The following MRPL23 variants were observed in gnomAD, a reference collection of about 807,000 sequenced individuals.
MRPL23 encodes the protein large ribosomal subunit protein uL23m.
For missense variants in MRPL23, 25 were observed against 81.3 expected (o/e 0.31, Z 2.66); for synonymous variants, 12 against 34.8 (o/e 0.35, Z 2.30).
At chr11:1,979,072 C>T (rs191303492) in intron 5 of MRPL23, among the ~76,000 whole-genome samples, 1 of 145,630 alleles carries the variant, frequency 6.9e-6, no homozygotes, top group Non-Finnish European at 1.5e-5. Context: ...CCTGCACAGG[C>T]GAGGAGATGA....
At chr11:1,988,966 C>T (rs1259775308), downstream of MRPL23, among the ~76,000 whole-genome samples, 6 of 142,620 alleles carry the variant, frequency 4.2e-5, no homozygotes, top group South Asian at 1.1e-3. Context: ...CGCTCCCAGG[C>T]GCTTCCTTCC....
In MRPL23 at chr11:1,956,304, G is replaced by A. The variant is rs377489957; in HGVS notation, c.346G>A (p.Glu116Lys). Reference sequence around the variant, plus strand: ...CCCAGATCTGTTTCCCGAGAAAGACGAGAGCCCTGAAGGCAGCGCTGCCGA... The same window carrying A: ...CCCAGATCTGTTTCCCGAGAAAGACAAGAGCCCTGAAGGCAGCGCTGCCGA... ...TFPDLFPEKD[E>K]SPEGSAADDL... The change falls in exon 5 of 5, where the codon GAG becomes AAG. Residue 116 changes from glutamate (E) to lysine (K), a missense_variant. Physicochemically the swap from Glu to Lys is moderately conservative, Grantham distance 56 (BLOSUM62 1). Coordinates refer to ENST00000397298, the MANE Select transcript of MRPL23 (RefSeq NM_021134.4). The A allele has an allele frequency of 6.4e-6, 10 of 1,553,110 alleles. 2 individuals are homozygous for A. The highest frequency in any genetic ancestry group is 4.1e-5 in the African/African-American group (3 of 73,900).
chr11:1,994,602 G>A, the MRPL23 span, among the ~76,000 whole-genome samples: 2 of 94,660 alleles, frequency 2.1e-5, no homozygotes, highest in Non-Finnish European at 5.7e-5. Context: ...CTGGCTCCTT[G>A]TGCGGGGCCG....
At chr11:1,966,787 G>T (rs1856547365), downstream of MRPL23, among the ~76,000 whole-genome samples, 1 of 87,142 alleles carries the variant, frequency 1.1e-5, no homozygotes, top group African/African-American at 3.8e-5. Flanking sequence ...TGCCACTGCT[G>T]GCCTGGGATG....
intron 5 of MRPL23, among the ~76,000 whole-genome samples, chr11:1,978,445 A>AAAAAAG (rs1161543675): frequency 7.0e-6 from 1 of 141,948 alleles, no homozygotes; most frequent in Non-Finnish European, 1.6e-5. Flanking sequence ...TGAGGGCTGG[A>AAAAAAG]AAAAAGAAAA....
chr11:1,989,127 G>C (rs1856847493), downstream of MRPL23, among the ~76,000 whole-genome samples: 1 of 133,018 alleles, frequency 7.5e-6, no homozygotes, highest in Admixed American at 7.5e-5. Flanking sequence ...GTGTGTCGTG[G>C]TGGCAGGCAG....
At chr11:1,974,171 C>T (rs1052098924), downstream of MRPL23, among the ~76,000 whole-genome samples, 1 of 122,366 alleles carries the variant, frequency 8.2e-6, no homozygotes, top group Non-Finnish European at 1.8e-5. Flanking sequence ...CTCCCAGCTC[C>T]CCTTGGAGTG....
At chr11:1,992,615 C>T in the MRPL23 span, among the ~76,000 whole-genome samples, 138 of 47,490 alleles carry the variant, frequency 2.9e-3, no homozygotes, top group African/African-American at 6.6e-3. Flanking sequence ...ACCCCGGCCC[C>T]GCCACCCCCA....
At chr11:1,989,221 G>A (rs59243387), downstream of MRPL23, among the ~76,000 whole-genome samples, 39 of 86,886 alleles carry the variant, frequency 4.5e-4, 1 homozygote, top group African/African-American at 9.2e-4. Flanking sequence ...TCCCAGCCCC[G>A]GGTCTCCAGC....
the MRPL23 span, chr11:1,992,266 G>A: frequency 9.9e-6 from 1 of 101,012 alleles, no homozygotes; most frequent in African/African-American, 2.6e-5. Context: ...GTGGATGCAC[G>A]TCCTCGGTGA....
the MRPL23 span, among the ~76,000 whole-genome samples, chr11:1,994,421 C>T: frequency 1.1e-4 from 10 of 93,912 alleles, 3 homozygotes; most frequent in Admixed American, 9.3e-4. Context: ...AGCAAGACCC[C>T]GGGGAGGGAG....
intron 5 of MRPL23, among the ~76,000 whole-genome samples, chr11:1,978,457 GA>G (rs1293188136): frequency 7.2e-6 from 1 of 139,546 alleles, no homozygotes; most frequent in Non-Finnish European, 1.6e-5. Context: ...AAAAGAAAAA[GA>G]AAAGAAAAGA....
the MRPL23 span, among the ~76,000 whole-genome samples, chr11:1,991,550 TCACACACACACACA>T: frequency 2.7e-4 from 18 of 67,824 alleles, no homozygotes; most frequent in South Asian, 8.9e-4. Context: ...TTGTCAGGCA[TCACACACACACACA>T]CACACACACA....
chr11:1,960,004 G>A (rs931672491), downstream of MRPL23, among the ~76,000 whole-genome samples: 1 of 122,780 alleles, frequency 8.1e-6, no homozygotes, highest in Non-Finnish European at 1.8e-5. Flanking sequence ...CCATGCAGGG[G>A]TGATGCAAGG....
chr11:1,983,556 G>T (rs779427607), intron 5 of MRPL23: 3 of 107,534 alleles, frequency 2.8e-5, no homozygotes, highest in Non-Finnish European at 6.2e-5. Context: ...AGGCCCAGTG[G>T]GTCTCTCTGT....
chr11:1,978,464 AAAG>A (rs1856699517), intron 5 of MRPL23, among the ~76,000 whole-genome samples: 1 of 137,816 alleles, frequency 7.3e-6, no homozygotes, highest in South Asian at 2.9e-4. Flanking sequence ...AAAGAAAAGA[AAAG>A]AAGTCCCGGC....
At chr11:1,992,393 A>C in the MRPL23 span, 2 of 92,838 alleles carry the variant, frequency 2.2e-5, 1 homozygote, top group Non-Finnish European at 5.8e-5. Flanking sequence ...ACGCGCCTCA[A>C]GTCCTCTTCT....
downstream of MRPL23, among the ~76,000 whole-genome samples, chr11:1,988,672 C>T (rs569743959): frequency 5.6e-5 from 7 of 125,480 alleles, 1 homozygote; most frequent in Non-Finnish European, 1.2e-4. Flanking sequence ...ACCTTCCCGG[C>T]GGCCCCAGTG....
At chr11:1,994,342 A>G in the MRPL23 span, among the ~76,000 whole-genome samples, 1 of 95,804 alleles carries the variant, frequency 1.0e-5, no homozygotes, top group South Asian at 4.2e-4. Context: ...CTGACCCGGA[A>G]CCCATGAGTG....
Sources: gnomAD v4.1 joint callset for allele counts (sites outside exome capture counted in the v4.1 genomes callset) on GRCh38, gnomAD v4.1.1 for gene constraint, MANE v1.5 for transcripts, NCBI Gene and HGNC (gene_info 2026-07-23, HGNC 2026-07-21) for gene names.